NAV3: variants seen among roughly 807,000 people sequenced by gnomAD.
The protein encoded by NAV3 is pore membrane and/or filament interacting like protein 1.
A neutral mutation model predicts 244.7 loss-of-function variants in NAV3; 87 were observed. The observed-to-expected ratio is 0.36, with a 90% CI of 0.30 to 0.42. The LOEUF is 0.42. NAV3 is among the 20% of genes least tolerant of loss of function. The pLI, the probability that NAV3 is intolerant of heterozygous loss-of-function variation, is 1.00. For synonymous variants in NAV3, 1,126 were observed against 1,042.2 expected, an observed-to-expected ratio of 1.08 and a Z score of -1.55; for missense variants, 2,663 against 2,893.3, an observed-to-expected ratio of 0.92 and a Z score of 1.83.
chr12:77,641,713 A>C (rs711123), intron 2 of NAV3, among the ~76,000 whole-genome samples: 5,238 of 152,154 alleles, frequency 0.034, 96 homozygotes, highest in Middle Eastern at 0.048. Context: ...TCCATTATAC[A>C]TACACCTCCT....
chr12:77,662,801 A>G (rs1873525044), intron 2 of NAV3, among the ~76,000 whole-genome samples: 1 of 152,158 alleles, frequency 6.6e-6, no homozygotes, highest in Non-Finnish European at 1.5e-5. Context: ...TGTGCAGAAA[A>G]AAAAGAACAC....
At chr12:78,148,529 G>GTT (rs1956952861) in intron 21 of NAV3, among the ~76,000 whole-genome samples, 1 of 152,064 alleles carries the variant, frequency 6.6e-6, no homozygotes, top group African/African-American at 2.4e-5. Context: ...TATTACCACA[G>GTT]TTTTTCTAGA....
chr12:77,629,349 CAG>C (rs1871783401), intron 2 of NAV3, among the ~76,000 whole-genome samples: 1 of 152,146 alleles, frequency 6.6e-6, no homozygotes, highest in Non-Finnish European at 1.5e-5. Flanking sequence ...ATTATACAAA[CAG>C]AGCAGAAAAT....
At chr12:77,634,812 G>T (rs1290268370) in intron 2 of NAV3, among the ~76,000 whole-genome samples, 2 of 152,006 alleles carry the variant, frequency 1.3e-5, no homozygotes, top group African/African-American at 2.4e-5. Context: ...AATTTAATAA[G>T]ATGAAAGTCT....
chr12:77,755,251 C>T, intron 2 of NAV3, among the ~76,000 whole-genome samples: 1 of 152,024 alleles, frequency 6.6e-6, no homozygotes, highest in Non-Finnish European at 1.5e-5. Context: ...TCTTAAATCA[C>T]AATTAATAAT....
In NAV3 at chr12:78,007,489, G is replaced by A. The variant is rs1412763399; in HGVS notation, c.1907+44G>A. 3.2e-6 allele frequency: 5 copies of A among 1,552,588 alleles called. No individual in the cohort carries two copies. In the East Asian group the frequency reaches 6.7e-5, roughly 21 times the overall value. On this transcript the variant is annotated intron_variant, in intron 8 of 39. Coordinates refer to ENST00000397909, the MANE Select transcript of NAV3 (RefSeq NM_001024383.2). ...ATCCACAGTTGTAAATATATTTACAGGCCTACATACTCAGAGTGTAATAGG... is the reference window on the plus strand; with the variant it reads ...ATCCACAGTTGTAAATATATTTACAAGCCTACATACTCAGAGTGTAATAGG...
Position 78,119,425 on chromosome 12 carries a change from G to T in NAV3, c.3229G>T (p.Ala1077Ser). The change falls in exon 15 of 40, where the codon GCC (alanine) becomes TCC (serine). Residue 1077 changes from alanine (A) to serine (S), a missense_variant. Coordinates refer to ENST00000397909, the MANE Select transcript of NAV3 (RefSeq NM_001024383.2). ...FKKPSGVGSSAMITSSGATIT... is the reference protein window; with the variant it reads ...FKKPSGVGSSSMITSSGATIT... ...GAAACCAAGTGGAGTAGGGTCATCT[G>T]CCATGATCACCAGCAGTGGAGCAAC... The T allele has an allele frequency of 6.2e-7, 1 of 1,614,202 alleles. No homozygotes were observed. The highest frequency in any genetic ancestry group is 8.5e-7 in the Non-Finnish European group (1 of 1,180,036).
At chr12:78,167,744 A>G (rs1452267007) in intron 23 of NAV3, among the ~76,000 whole-genome samples, 1 of 151,582 alleles carries the variant, frequency 6.6e-6, no homozygotes, top group Non-Finnish European at 1.5e-5. Context: ...ATTACCAAGG[A>G]ATTCTCCCTC....
intron 2 of NAV3, among the ~76,000 whole-genome samples, chr12:77,684,906 A>T (rs1874645004): frequency 6.6e-6 from 1 of 152,134 alleles, no homozygotes; most frequent in South Asian, 2.1e-4. Context: ...AATATTTTGA[A>T]AAAATTTTCC....
intron 2 of NAV3, among the ~76,000 whole-genome samples, chr12:77,646,994 A>T (rs2029551): frequency 0.4 from 60,802 of 151,526 alleles, 13,237 homozygotes; most frequent in African/African-American, 0.57. Context: ...GGCAGTTTCA[A>T]AAGGTTTAAA....
chr12:77,701,907 A>G (rs181525638), intron 2 of NAV3, among the ~76,000 whole-genome samples: 12 of 152,064 alleles, frequency 7.9e-5, no homozygotes, highest in Non-Finnish European at 2.9e-5. Flanking sequence ...GGTTTACCTT[A>G]ATGAATGCAC....
chr12:78,048,295 T>A (rs1420254643), intron 9 of NAV3, among the ~76,000 whole-genome samples: 1 of 152,198 alleles, frequency 6.6e-6, no homozygotes, highest in Non-Finnish European at 1.5e-5. Context: ...GAAGAGGCAT[T>A]CTGGTTTTTG....
At chr12:77,581,092 A>G (rs1286785663) in intron 2 of NAV3, among the ~76,000 whole-genome samples, 1 of 152,160 alleles carries the variant, frequency 6.6e-6, no homozygotes. Context: ...ACTTGCCTTT[A>G]AGCTGTACTA....
chr12:78,133,769 A>G (rs1231605859), intron 18 of NAV3, among the ~76,000 whole-genome samples: 2 of 152,176 alleles, frequency 1.3e-5, no homozygotes, highest in African/African-American at 4.8e-5. Context: ...AGTATAGCTT[A>G]CATAAATCAA....
At chr12:77,815,139 C>G (rs1216300437) in intron 2 of NAV3, among the ~76,000 whole-genome samples, 3 of 152,130 alleles carry the variant, frequency 2.0e-5, no homozygotes, top group Non-Finnish European at 2.9e-5. Context: ...TCATTATTCC[C>G]CAGTAAAATT....
At chr12:77,913,067 C>T (rs976203337) in intron 1 of NAV3, among the ~76,000 whole-genome samples, 1 of 151,892 alleles carries the variant, frequency 6.6e-6, no homozygotes, top group African/African-American at 2.4e-5. Context: ...CCAAAGTCAA[C>T]TTGTGACATG....
intron 9 of NAV3, among the ~76,000 whole-genome samples, chr12:78,022,572 G>A (rs148329922): frequency 1.3e-5 from 2 of 152,238 alleles, no homozygotes; most frequent in Admixed American, 1.3e-4. Flanking sequence ...GAAAGTAGGG[G>A]TGTGTCTGTT....
chr12:77,666,041 A>C (rs980146826), intron 2 of NAV3, among the ~76,000 whole-genome samples: 6 of 152,166 alleles, frequency 3.9e-5, no homozygotes, highest in Admixed American at 2.6e-4. Flanking sequence ...GACTTTAATT[A>C]GTTTATTATC....
At chr12:78,166,744 A>G (rs997605482) in intron 23 of NAV3, among the ~76,000 whole-genome samples, 7 of 151,786 alleles carry the variant, frequency 4.6e-5, no homozygotes, top group African/African-American at 1.7e-4. Context: ...TTTTGAAAAC[A>G]GGTTTTATAA....
Sources: gnomAD v4.1 joint callset for allele counts (sites outside exome capture counted in the v4.1 genomes callset) on GRCh38, gnomAD v4.1.1 for gene constraint, MANE v1.5 for transcripts, NCBI Gene and HGNC (gene_info 2026-07-23, HGNC 2026-07-21) for gene names.